The following SDK2 variants were observed in gnomAD, a reference collection of about 807,000 sequenced individuals.
The protein encoded by SDK2 is sidekick cell adhesion molecule 2.
SDK2 carries 105 observed loss-of-function variants against 253.9 expected under a neutral mutation model. The observed-to-expected ratio is 0.41, with a 90% CI of 0.35 to 0.49. The LOEUF is 0.49. Ranked by LOEUF, SDK2 falls within the 20% of genes least tolerant of loss-of-function variation. SDK2 has a pLI of 0.06. For missense variants in SDK2, 2,608 were observed against 3,003.0 expected (o/e 0.87, Z 3.07); for synonymous variants, 1,249 against 1,234.9 (o/e 1.01, Z -0.24).
In SDK2 at chr17:73,435,178, T is replaced by C. The variant is rs2063357248; in HGVS notation, c.1195+272A>G. Among the ~76,000 whole-genome samples, 1 of 152,234 alleles carries C rather than the reference T, an allele frequency of 6.6e-6. No homozygotes were observed. The highest frequency in any genetic ancestry group is 2.4e-5 in the African/African-American group (1 of 41,534). The stretch of plus-strand genomic sequence containing the variant: ...CCGTGGTTGGTTTCATAGCTCCTTT[T>C]CTCAAAAAGCCGTGAACGCAACCTG... On this transcript the variant is annotated intron_variant, in intron 9 of 44. Transcript: ENST00000392650. The surrounding 1 kb of genome is among the most constrained non-coding windows in gnomAD (Gnocchi z 5.7).
In SDK2 at chr17:73,435,556, C is replaced by T. The variant is rs761738280; in HGVS notation, c.1089G>A (p.Gly363=). The change falls in exon 9 of 45, where the codon GGG becomes GGA. Residue 363 remains glycine, a synonymous_variant. Transcript: ENST00000392650. The surrounding 1 kb of genome is among the most constrained non-coding windows in gnomAD (Gnocchi z 5.7). ...GCACCAGGCCGCTGATCTGCAGGCC[C>T]CCGTCGTTGCGCTGCCGGAAGCGGG... The part of the protein sequence containing the change: ...KLTRFRQRND[G]GLQISGLVPD... 4.4e-6 allele frequency: 7 copies of T among 1,590,214 alleles called. No individual in the cohort carries two copies. The Admixed American group carries it at 7.0e-5, about 16-fold the overall frequency.
At chr17:73,392,803 G>C (rs17249188) in intron 27 of SDK2, among the ~76,000 whole-genome samples, 5,358 of 152,198 alleles carry the variant, frequency 0.035, 275 homozygotes, top group African/African-American at 0.11. Context: ...ATGCATTGGT[G>C]AGCTTCTGAT....
chr17:73,344,932 T>C (rs1471232011), intron 44 of SDK2, among the ~76,000 whole-genome samples: 1 of 152,194 alleles, frequency 6.6e-6, no homozygotes, highest in Admixed American at 6.5e-5. Context: ...CCAGCTCAAA[T>C]AAATGCCACC....
At chr17:73,354,376 G>C (rs1404474055) in intron 40 of SDK2, among the ~76,000 whole-genome samples, 1 of 152,206 alleles carries the variant, frequency 6.6e-6, no homozygotes, top group Non-Finnish European at 1.5e-5. Context: ...AGTCAGAGCG[G>C]TGCGGGTGCT....
chr17:73,357,900 C>T (rs755649486), intron 40 of SDK2, 179 bp downstream of exon 40: 1 of 941,454 alleles, frequency 1.1e-6, no homozygotes, highest in Non-Finnish European at 1.7e-6. Flanking sequence ...AGCTAGGAGT[C>T]CAGCTCTAGG....
At position 73,642,982 on chromosome 17, in the gene SDK2, C is replaced by T. The variant is rs977443348; in HGVS notation, c.64+1043G>A. The T allele has an allele frequency of 2.0e-5, 3 of 152,362 alleles. No homozygotes were observed. The highest frequency in any genetic ancestry group is 2.0e-4 in the Admixed American group (3 of 15,296). The allele number at this position is 152,362 out of a possible 1,614,324, so 9.4% of individuals were successfully genotyped here. On this transcript the variant is annotated intron_variant, in intron 1 of 44. Transcript: ENST00000392650. This position sits in a 1 kb window ranked among gnomAD's most constrained non-coding sequence, Gnocchi z 4.7. ...CCTCCTGAGCCTGCGAGAGTGAAGG[C>T]CTAGCCCTGCGAGTCCTGGAGCTCG...
intron 27 of SDK2, 88 bp downstream of exon 27, chr17:73,393,472 G>T: frequency 1.6e-6 from 2 of 1,263,138 alleles, no homozygotes; most frequent in Non-Finnish European, 1.1e-6. Context: ...GTGGGGCAGA[G>T]CCTGACCCCA....
At chr17:73,400,891 G>C (rs961476744) in intron 21 of SDK2, 129 bp downstream of exon 21, 5 of 855,708 alleles carry the variant, frequency 5.8e-6, no homozygotes, top group Non-Finnish European at 8.9e-6. Flanking sequence ...CAAGTGATAC[G>C]CCTGCCTCAG....
chr17:73,521,372 CAAAAAAATAA>C (rs960951463), intron 1 of SDK2: 4 of 151,138 alleles, frequency 2.6e-5, no homozygotes, highest in African/African-American at 9.7e-5. Context: ...TTATCCCCAT[CAAAAAAATAA>C]AAAAAAATAA....
At chr17:73,548,156 C>T (rs1205361056) in intron 1 of SDK2, among the ~76,000 whole-genome samples, 2 of 152,200 alleles carry the variant, frequency 1.3e-5, no homozygotes, top group Non-Finnish European at 2.9e-5. Flanking sequence ...CAAACCCTAT[C>T]AATGGCCCAA....
intron 27 of SDK2, 87 bp downstream of exon 27, chr17:73,393,473 C>G: frequency 7.8e-7 from 1 of 1,281,770 alleles, no homozygotes; most frequent in South Asian, 1.9e-5. Flanking sequence ...TGGGGCAGAG[C>G]CTGACCCCAG....
intron 24 of SDK2, among the ~76,000 whole-genome samples, chr17:73,396,810 G>GGT (rs752895467): frequency 2.0e-5 from 3 of 152,176 alleles, no homozygotes; most frequent in Non-Finnish European, 2.9e-5. Context: ...GCCAGCCTGG[G>GGT]GTGGGGATGC....
At chr17:73,506,484 G>A (rs2063936676) in intron 2 of SDK2, among the ~76,000 whole-genome samples, 1 of 152,140 alleles carries the variant, frequency 6.6e-6, no homozygotes, top group Non-Finnish European at 1.5e-5. Context: ...TCCAAACTCT[G>A]GCCTCCGCAC....
chr17:73,469,200 C>T (rs1034937679), intron 3 of SDK2, among the ~76,000 whole-genome samples: 3 of 152,138 alleles, frequency 2.0e-5, no homozygotes, highest in East Asian at 1.9e-4. Flanking sequence ...AGGCACTACC[C>T]GCAAAGCCCT....
At chr17:73,585,016 C>T (rs1036496705) in intron 1 of SDK2, among the ~76,000 whole-genome samples, 1 of 152,220 alleles carries the variant, frequency 6.6e-6, no homozygotes, top group African/African-American at 2.4e-5. Flanking sequence ...AGGGTCCACA[C>T]ACTGCTCAGG....
At chr17:73,550,175 A>G (rs1017680696) in intron 1 of SDK2, among the ~76,000 whole-genome samples, 1 of 151,996 alleles carries the variant, frequency 6.6e-6, no homozygotes, top group Non-Finnish European at 1.5e-5. Flanking sequence ...TGGCTTGGAA[A>G]TATGCTTGAT....
chr17:73,338,699 G>A lies in SDK2; in HGVS notation c.6407C>T (p.Thr2136Met), dbSNP rs148977958. ...LFRPKASRTP[T>M]PQNPPNPPSQ... The stretch of plus-strand genomic sequence containing the variant: ...TGGGGGGTTAGGGGGGTTCTGGGGC[G>A]TTGGAGTCCGACTGGCCTTGGGCCG... The change falls in exon 45 of 45, where the codon ACG becomes ATG. Residue 2136 changes from threonine (T) to methionine (M), a missense_variant. Around this residue, in one of 2 missense-constraint regions of SDK2, gnomAD observed 1,103 missense variants for 1,143.9 expected, o/e 0.96. Transcript: ENST00000392650. This position sits in a 1 kb window ranked among gnomAD's most constrained non-coding sequence, Gnocchi z 5.0. The A allele has an allele frequency of 5.5e-5, 89 of 1,608,178 alleles. No individual in the cohort carries two copies. The highest frequency in any genetic ancestry group is 6.6e-5 in the Non-Finnish European group (78 of 1,176,820).
intron 3 of SDK2, among the ~76,000 whole-genome samples, chr17:73,459,754 G>T (rs1035158793): frequency 6.6e-6 from 1 of 151,056 alleles, no homozygotes; most frequent in African/African-American, 2.4e-5. Context: ...GGCTGGTCAT[G>T]AACTCCGGCC....
chr17:73,439,788 G>A (rs2063399625), intron 6 of SDK2, among the ~76,000 whole-genome samples: 1 of 152,194 alleles, frequency 6.6e-6, no homozygotes, highest in South Asian at 2.1e-4. Context: ...CCCAGAGGGC[G>A]GCAGTGAGTA....
Sources: gnomAD v4.1 joint callset for allele counts (sites outside exome capture counted in the v4.1 genomes callset) on GRCh38, gnomAD v4.1.1 for gene constraint, gnomAD v4.1.1 regional missense constraint, Gnocchi (gnomAD v3.1) non-coding constraint, MANE v1.5 for transcripts, NCBI Gene and HGNC (gene_info 2026-07-23, HGNC 2026-07-21) for gene names.